The following DCUN1D1 variants were observed in gnomAD, a reference collection of about 807,000 sequenced individuals.
DCUN1D1 encodes DCN1-like protein 1.
DCUN1D1 carries 3 observed loss-of-function variants against 39.0 expected under a neutral mutation model. The ratio of observed to expected loss-of-function variants is 0.08; its 90% CI spans 0.04 to 0.20. The LOEUF (loss-of-function observed/expected upper bound fraction) is 0.20. Among genes scored for constraint, DCUN1D1 ranks in the 10% least tolerant of loss-of-function variants. The pLI, the probability that DCUN1D1 is intolerant of heterozygous loss-of-function variation, is 1.00. For missense variants in DCUN1D1, 158 were observed against 302.4 expected (o/e 0.52, Z 3.54); for synonymous variants, 82 against 96.3 (o/e 0.85, Z 0.87).
chr3:182,941,317 C>T lies in DCUN1D1; in HGVS notation c.*3777G>A, dbSNP rs143673903. The T allele has an allele frequency of 1.3e-5, 2 of 152,040 alleles. No homozygotes were observed. The highest frequency in any genetic ancestry group is 2.4e-5 in the African/African-American group (1 of 41,426). The allele number at this position is 152,040 out of a possible 1,614,324, so 9.4% of individuals were successfully genotyped here. On this transcript the variant is annotated 3_prime_UTR_variant, in exon 7 of 7. Transcript: ENST00000292782. ...ATTTATCTTAACTACAAAATATACA[C>T]CCCTTTCCCTCAGAAATCAAAGATA...
intron 1 of DCUN1D1, among the ~76,000 whole-genome samples, chr3:182,972,288 A>T (rs1289166751): frequency 1.3e-5 from 2 of 152,262 alleles, no homozygotes; most frequent in African/African-American, 4.8e-5. Flanking sequence ...ACTCAGAGAA[A>T]ATACAAATAC....
chr3:182,964,161 G>C, intron 2 of DCUN1D1, 112 bp from the exon 3 acceptor site: 1 of 762,990 alleles, frequency 1.3e-6, no homozygotes, highest in Non-Finnish European at 2.1e-6. Flanking sequence ...ATATATGGAA[G>C]GCATGAAACG....
intron 4 of DCUN1D1, among the ~76,000 whole-genome samples, chr3:182,953,354 T>C (rs186746369): frequency 1.4e-4 from 22 of 152,308 alleles, no homozygotes; most frequent in East Asian, 1.3e-3. Flanking sequence ...GTCACAGGTA[T>C]AGGAAAAGAA....
chr3:182,964,129 T>A, intron 2 of DCUN1D1, 80 bp from the exon 3 acceptor site: 1 of 1,214,776 alleles, frequency 8.2e-7, no homozygotes, highest in Non-Finnish European at 1.2e-6. Flanking sequence ...ATGCTTTATA[T>A]GCCATTTTTT....
chr3:182,976,809 T>C (rs545255411), intron 1 of DCUN1D1, among the ~76,000 whole-genome samples: 1 of 152,348 alleles, frequency 6.6e-6, no homozygotes, highest in Middle Eastern at 3.4e-3. Context: ...TGCCTAACAC[T>C]ATCTCTAGCA....
chr3:182,978,289 A>T (rs73066928), intron 1 of DCUN1D1, among the ~76,000 whole-genome samples: 49 of 152,318 alleles, frequency 3.2e-4, no homozygotes, highest in African/African-American at 1.2e-3. Flanking sequence ...ATAAAGAAAC[A>T]AATATATGTA....
In DCUN1D1 at chr3:182,946,705, G is replaced by T. The variant is rs1726425913; in HGVS notation, c.700+533C>A. On this transcript the variant is annotated intron_variant, in intron 6 of 6. Transcript: ENST00000292782. ...TCCTAAACTGAAAACCTAAAACATG[G>T]ATAAAAATTACTTATGCCTTTCTGG... 5.3e-5 allele frequency among the ~76,000 whole-genome samples: 8 copies of T among 152,042 alleles called. 1 individual carries two copies. In the South Asian group the frequency reaches 1.7e-3, roughly 32 times the overall value.
At chr3:182,957,929 C>A (rs1386207157) in intron 4 of DCUN1D1, among the ~76,000 whole-genome samples, 1 of 130,950 alleles carries the variant, frequency 7.6e-6, no homozygotes, top group Non-Finnish European at 1.6e-5. Flanking sequence ...CAGAGCAAGA[C>A]CCTGCATCAA....
At chr3:182,974,692 T>C (rs907062304) in intron 1 of DCUN1D1, among the ~76,000 whole-genome samples, 1 of 151,916 alleles carries the variant, frequency 6.6e-6, no homozygotes, top group African/African-American at 2.4e-5. Context: ...GAAAATACTC[T>C]AATAAGGGAA....
intron 2 of DCUN1D1, among the ~76,000 whole-genome samples, chr3:182,964,283 T>C (rs944625256): frequency 5.3e-5 from 8 of 152,218 alleles, no homozygotes; most frequent in Admixed American, 2.6e-4. Flanking sequence ...AAGTCTCATT[T>C]ATTCATGTGA....
chr3:182,965,791 AATCAC>A (rs1447878016), intron 1 of DCUN1D1, 38 bp from the exon 2 acceptor site: 3 of 1,401,648 alleles, frequency 2.1e-6, no homozygotes, highest in Middle Eastern at 4.5e-4. Flanking sequence ...CTCTATGTAA[AATCAC>A]ATAAGACTAA....
chr3:182,968,436 T>C (rs1273594781), intron 1 of DCUN1D1, among the ~76,000 whole-genome samples: 2 of 152,174 alleles, frequency 1.3e-5, no homozygotes, highest in African/African-American at 4.8e-5. Flanking sequence ...TTCATTCTAC[T>C]ATACTATTCC....
At chr3:182,968,597 A>C (rs1304061541) in intron 1 of DCUN1D1, among the ~76,000 whole-genome samples, 1 of 149,918 alleles carries the variant, frequency 6.7e-6, no homozygotes, top group Non-Finnish European at 1.5e-5. Flanking sequence ...TATATATATA[A>C]ATGTAAACTT....
At chr3:182,962,764 C>T (rs1340557040) in intron 3 of DCUN1D1, among the ~76,000 whole-genome samples, 1 of 152,112 alleles carries the variant, frequency 6.6e-6, no homozygotes, top group East Asian at 1.9e-4. Context: ...GTTAAAATTA[C>T]AGGTGTGGTT....
chr3:182,955,268 TA>T, intron 4 of DCUN1D1: 1 of 537,440 alleles, frequency 1.9e-6, no homozygotes, highest in East Asian at 5.1e-5. Context: ...CTGTGTTTTC[TA>T]AACCAATATC....
At chr3:182,963,640 T>C (rs1042379204) in intron 3 of DCUN1D1, among the ~76,000 whole-genome samples, 5 of 152,340 alleles carry the variant, frequency 3.3e-5, no homozygotes, top group African/African-American at 1.2e-4. Flanking sequence ...ATTTTAATAC[T>C]AATGAACCTG....
intron 1 of DCUN1D1, 183 bp downstream of exon 1, chr3:182,980,304 G>T: frequency 2.8e-6 from 1 of 355,750 alleles, no homozygotes; most frequent in Non-Finnish European, 3.9e-6. Context: ...GCGCCCGGGC[G>T]GGAAGGGGCG....
At position 182,940,927 on chromosome 3, in the gene DCUN1D1, T is replaced by G. The variant is rs1362705684; in HGVS notation, c.*4167A>C. 1 of 152,154 alleles carries G rather than the reference T, an allele frequency of 6.6e-6. No individual in the cohort carries two copies. The highest frequency in any genetic ancestry group is 2.4e-5 in the African/African-American group (1 of 41,436). 9.4% of individuals were successfully genotyped at this position (152,154 alleles called of 1,614,324 possible). A position where few individuals can be genotyped will look rare whatever the true frequency, so the allele number is the denominator to read the frequency against. ...TTCCCTTTAAAACTCCATAAAGACATTACTTATTGAGAATTCCACTAACTA... is the reference window on the plus strand; with the variant it reads ...TTCCCTTTAAAACTCCATAAAGACAGTACTTATTGAGAATTCCACTAACTA... On this transcript the variant is annotated 3_prime_UTR_variant, in exon 7 of 7. Transcript: ENST00000292782.
rs1323794501 is a variant in DCUN1D1, at chr3:182,939,583, T to C, written c.*5511A>G. ...GGATGAACCTCAAAAACATGCTAAG[T>C]GAAAGATGCCAGATATAAAAGACTA... On this transcript the variant is annotated 3_prime_UTR_variant, in exon 7 of 7. Transcript: ENST00000292782. 6.6e-6 allele frequency: 1 copy of C among 152,064 alleles called. No individual in the cohort carries two copies. The highest frequency in any genetic ancestry group is 2.4e-5 in the African/African-American group (1 of 41,402). The allele number at this position is 152,064 out of a possible 1,614,324, so 9.4% of individuals were successfully genotyped here. A position where few individuals can be genotyped will look rare whatever the true frequency, so the allele number is the denominator to read the frequency against.
Sources: gnomAD v4.1 joint callset for allele counts (sites outside exome capture counted in the v4.1 genomes callset) on GRCh38, gnomAD v4.1.1 for gene constraint, MANE v1.5 for transcripts, NCBI Gene and HGNC (gene_info 2026-07-23, HGNC 2026-07-21) for gene names.